Variants in CAMK1D observed in about 807,000 individuals in gnomAD.
CAMK1D encodes the protein calcium/calmodulin-dependent protein kinase type 1D.
A neutral mutation model predicts 47.7 loss-of-function variants in CAMK1D; 9 were observed. That is an observed-to-expected ratio of 0.19 (90% CI 0.11 to 0.33). The LOEUF is 0.33. Among genes scored for constraint, CAMK1D ranks in the 10% least tolerant of loss-of-function variants. The probability of loss-of-function intolerance (pLI) is 1.00; values close to 1 mark genes in which losing one functional copy is unlikely to be tolerated. For missense variants in CAMK1D, 291 were observed against 488.7 expected, an observed-to-expected ratio of 0.60 and a Z score of 3.81; for synonymous variants, 184 against 184.9, an observed-to-expected ratio of 0.99 and a Z score of 0.04.
chr10:12,729,450 A>G lies in CAMK1D; in HGVS notation c.300-31498A>G, dbSNP rs185264648. On this transcript the variant is annotated intron_variant, in intron 3 of 10. Coordinates refer to ENST00000619168, the MANE Select transcript of CAMK1D (RefSeq NM_153498.4). ...CGGGGGTTCAAGACCAGCCTGGGTAACATAGCAAGACCTCGTCTCTACAGA... is the reference window on the plus strand; with the variant it reads ...CGGGGGTTCAAGACCAGCCTGGGTAGCATAGCAAGACCTCGTCTCTACAGA... 2.0e-5 allele frequency among the ~76,000 whole-genome samples: 3 copies of G among 152,202 alleles called. No individual in the cohort carries two copies. In the East Asian group the frequency reaches 5.8e-4, roughly 29 times the overall value.
intron 3 of CAMK1D, among the ~76,000 whole-genome samples, chr10:12,724,987 T>C (rs1257626805): frequency 6.6e-6 from 1 of 152,140 alleles, no homozygotes; most frequent in East Asian, 1.9e-4. Context: ...TTCAACCACA[T>C]CTCTTTCAAC....
chr10:12,358,094 T>C (rs1472168655), intron 1 of CAMK1D, among the ~76,000 whole-genome samples: 1 of 152,174 alleles, frequency 6.6e-6, no homozygotes, highest in African/African-American at 2.4e-5. Context: ...GAGTGCTGGC[T>C]CACAACTGTA....
At chr10:12,784,487 C>G (rs956516721) in intron 5 of CAMK1D, among the ~76,000 whole-genome samples, 10 of 151,884 alleles carry the variant, frequency 6.6e-5, no homozygotes, top group African/African-American at 2.2e-4. Context: ...CGTGAGCCAC[C>G]GTGCCGGCCA....
intron 4 of CAMK1D, among the ~76,000 whole-genome samples, chr10:12,765,586 C>T (rs1168644247): frequency 6.6e-6 from 1 of 152,340 alleles, no homozygotes. Flanking sequence ...CTTCCACCCG[C>T]GTGATCTCAT....
intron 3 of CAMK1D, among the ~76,000 whole-genome samples, chr10:12,711,757 C>T (rs550084252): frequency 2.8e-4 from 42 of 152,338 alleles, no homozygotes; most frequent in African/African-American, 9.1e-4. Context: ...TAAATATCTA[C>T]TCTGTCTACA....
chr10:12,362,467 A>G (rs556352681), intron 1 of CAMK1D, among the ~76,000 whole-genome samples: 1 of 150,950 alleles, frequency 6.6e-6, no homozygotes, highest in Non-Finnish European at 1.5e-5. Context: ...TAAATTTTGC[A>G]CATCCTCCCA....
chr10:12,652,423 T>TCCA lies in CAMK1D; in HGVS notation c.225-14313_225-14312insCCA, dbSNP rs1840000684. On this transcript the variant is annotated intron_variant, in intron 2 of 10. Transcript: ENST00000619168. ...GGTGAAACCCCGTCACTACTAAAAATACAAAAAAAAAAAAAAAAGCCGGGC... is the reference window on the plus strand; with the variant it reads ...GGTGAAACCCCGTCACTACTAAAAATCCAACAAAAAAAAAAAAAAAAGCCGGGC... Among the ~76,000 whole-genome samples, 5 of 23,586 alleles carry TCCA rather than the reference T, an allele frequency of 2.1e-4. No individual in the cohort carries two copies. In the South Asian group the frequency reaches 9.7e-3, roughly 46 times the overall value. 15.5% of individuals were successfully genotyped at this position (23,586 alleles called of 152,430 possible).
chr10:12,791,362 G>T, intron 6 of CAMK1D, 129 bp downstream of exon 6: 1 of 733,004 alleles, frequency 1.4e-6, no homozygotes, highest in Non-Finnish European at 2.3e-6. Context: ...CATGTTTAAG[G>T]GTACAGTTCA....
intron 1 of CAMK1D, among the ~76,000 whole-genome samples, chr10:12,370,699 C>T (rs1022414249): frequency 3.9e-5 from 6 of 152,102 alleles, no homozygotes; most frequent in Admixed American, 2.6e-4. Context: ...CCTTCGCCTC[C>T]CCAGGTTCAA....
chr10:12,774,137 T>TA (rs1837169012), intron 5 of CAMK1D, among the ~76,000 whole-genome samples: 1 of 152,096 alleles, frequency 6.6e-6, no homozygotes, highest in African/African-American at 2.4e-5. Context: ...TAGTGGCACT[T>TA]ACATCTGAGT....
intron 3 of CAMK1D, among the ~76,000 whole-genome samples, chr10:12,726,757 C>T (rs947864786): frequency 2.6e-5 from 4 of 152,222 alleles, no homozygotes; most frequent in African/African-American, 7.2e-5. Flanking sequence ...TTTGCTCAAA[C>T]GTCTTCCAGG....
intron 1 of CAMK1D, among the ~76,000 whole-genome samples, chr10:12,453,540 A>G (rs935656218): frequency 6.6e-6 from 1 of 152,258 alleles, no homozygotes. Flanking sequence ...TGGCTAGATC[A>G]TATTTCGCTT....
At chr10:12,728,656 T>C (rs1476379370) in intron 3 of CAMK1D, among the ~76,000 whole-genome samples, 2 of 152,224 alleles carry the variant, frequency 1.3e-5, no homozygotes, top group Non-Finnish European at 2.9e-5. Context: ...TGTGGACAGC[T>C]GCGTTAGGAT....
intron 1 of CAMK1D, among the ~76,000 whole-genome samples, chr10:12,481,453 T>C (rs556529096): frequency 6.6e-6 from 1 of 152,268 alleles, no homozygotes; most frequent in South Asian, 2.1e-4. Context: ...GCCTCTGAGG[T>C]TGATTTGAGT....
intron 3 of CAMK1D, among the ~76,000 whole-genome samples, chr10:12,686,191 C>G (rs1452394107): frequency 1.3e-5 from 2 of 152,078 alleles, no homozygotes; most frequent in Admixed American, 1.3e-4. Flanking sequence ...ATCATCTGTG[C>G]CATATACATA....
chr10:12,543,982 A>G (rs1443721255), intron 1 of CAMK1D, among the ~76,000 whole-genome samples: 1 of 152,226 alleles, frequency 6.6e-6, no homozygotes, highest in Non-Finnish European at 1.5e-5. Context: ...TTTCATCACT[A>G]TGGAAAATGG....
intron 2 of CAMK1D, among the ~76,000 whole-genome samples, chr10:12,637,876 C>T (rs1839554066): frequency 1.3e-5 from 2 of 152,088 alleles, no homozygotes; most frequent in South Asian, 2.1e-4. Context: ...AGAAAGAAAG[C>T]GCTGCAGAGG....
intron 1 of CAMK1D, among the ~76,000 whole-genome samples, chr10:12,361,248 G>GTTTTTTTTTTTTTTTTTTTTTTTT (rs55700646): frequency 8.3e-6 from 1 of 120,078 alleles, no homozygotes; most frequent in African/African-American, 2.9e-5. Context: ...CTATTTGACT[G>GTTTTTTTTTTTTTTTTTTTTTTTT]TTTTTTTTTT....
intron 3 of CAMK1D, among the ~76,000 whole-genome samples, chr10:12,710,148 G>A (rs1833881626): frequency 6.6e-6 from 1 of 152,212 alleles, no homozygotes; most frequent in South Asian, 2.1e-4. Context: ...TCATCTTTCA[G>A]AAGAAAATTA....
Sources: allele counts gnomAD v4.1 joint callset (sites outside exome capture counted in the v4.1 genomes callset), GRCh38; gene constraint gnomAD v4.1.1; transcripts MANE v1.5; gene names NCBI Gene and HGNC (gene_info 2026-07-23, HGNC 2026-07-21).